The following MAGOHB variants were observed in gnomAD, a reference collection of about 807,000 sequenced individuals.
MAGOHB encodes the protein protein mago nashi homolog 2.
MAGOHB carries 15 observed loss-of-function variants against 20.9 expected under a neutral mutation model. That is an observed-to-expected ratio of 0.72 (90% CI 0.48 to 1.11). MAGOHB has a LOEUF of 1.11. MAGOHB is among the 50% of genes least tolerant of loss of function. The probability of loss-of-function intolerance (pLI) is 0.00; values close to 1 mark genes in which losing one functional copy is unlikely to be tolerated. For synonymous variants in MAGOHB, 50 were observed against 57.9 expected, an observed-to-expected ratio of 0.86 and a Z score of 0.62; for missense variants, 162 against 177.6, an observed-to-expected ratio of 0.91 and a Z score of 0.50.
chr12:10,607,229 A>T (rs1196232400), intron 4 of MAGOHB, among the ~76,000 whole-genome samples: 1 of 152,188 alleles, frequency 6.6e-6, no homozygotes, highest in African/African-American at 2.4e-5. Flanking sequence ...TGGATACAGC[A>T]AGGTTCTCAA....
downstream of MAGOHB, among the ~76,000 whole-genome samples, chr12:10,600,116 T>G (rs897368565): frequency 1.3e-5 from 2 of 152,162 alleles, no homozygotes; most frequent in African/African-American, 2.4e-5. Flanking sequence ...CTTTAAAAGA[T>G]CCGTAATTCC....
downstream of MAGOHB, among the ~76,000 whole-genome samples, chr12:10,602,625 T>C (rs776895217): frequency 2.0e-4 from 31 of 152,264 alleles, no homozygotes; most frequent in Non-Finnish European, 3.7e-4. Flanking sequence ...TCTGGTACTT[T>C]GCCTTCCAAA....
chr12:10,613,391 G>A, intron 1 of MAGOHB, 48 bp downstream of exon 1: 1 of 1,544,100 alleles, frequency 6.5e-7, no homozygotes, highest in Non-Finnish European at 9.0e-7. Flanking sequence ...CCGGCCTCTC[G>A]GTCTCGCTCC....
downstream of MAGOHB, among the ~76,000 whole-genome samples, chr12:10,602,078 G>C (rs990120479): frequency 1.3e-5 from 2 of 152,194 alleles, no homozygotes; most frequent in Admixed American, 6.5e-5. Flanking sequence ...GTTATGTTGA[G>C]GCATGTTTCT....
At position 10,611,771 on chromosome 12, in the gene MAGOHB, A is replaced by AAAG. The variant is rs1555146556; in HGVS notation, c.95-1092_95-1091insCTT. The stretch of plus-strand genomic sequence containing the variant: ...TCAAAAAAAAAAAAAAAAAAAAAAA[A>AAAG]AAAAGAAAAGAAACGCGTCTTCGGG... On this transcript the variant is annotated intron_variant, in intron 1 of 4. Coordinates refer to ENST00000320756, the MANE Select transcript of MAGOHB (RefSeq NM_018048.5). 1.3e-4 allele frequency among the ~76,000 whole-genome samples: 12 copies of AAAG among 93,114 alleles called. No homozygotes were observed. In the South Asian group the frequency reaches 2.8e-3, roughly 22 times the overall value. The allele number at this position is 93,114 out of a possible 152,430, so 61.1% of individuals were successfully genotyped here. A position where few individuals can be genotyped will look rare whatever the true frequency, so the allele number is the denominator to read the frequency against.
downstream of MAGOHB, among the ~76,000 whole-genome samples, chr12:10,600,233 C>T (rs1472662012): frequency 6.6e-6 from 1 of 151,368 alleles, no homozygotes; most frequent in Admixed American, 6.6e-5. Context: ...TTATTATTTT[C>T]TAATAAATAA....
chr12:10,608,671 C>T (rs1231507366), intron 3 of MAGOHB: 1 of 150,682 alleles, frequency 6.6e-6, no homozygotes, highest in African/African-American at 2.4e-5. Context: ...AGATTTTTCC[C>T]TATATTGTTT....
intron 4 of MAGOHB, 32 bp from the exon 5 acceptor site, chr12:10,606,406 C>A: frequency 1.2e-5 from 14 of 1,198,046 alleles, no homozygotes; most frequent in Non-Finnish European, 1.5e-5. Flanking sequence ...GTTACTTTTT[C>A]TTCCTAGGAT....
chr12:10,608,137 C>T, intron 3 of MAGOHB: 2 of 404,374 alleles, frequency 4.9e-6, no homozygotes, highest in Non-Finnish European at 4.4e-6. Flanking sequence ...CGCACTACCC[C>T]CAAGTTTAGG....
Sources: allele counts gnomAD v4.1 joint callset (sites outside exome capture counted in the v4.1 genomes callset), GRCh38; gene constraint gnomAD v4.1.1; transcripts MANE v1.5; gene names NCBI Gene and HGNC (gene_info 2026-07-23, HGNC 2026-07-21).